Variants in SOCS6 observed in about 807,000 individuals in gnomAD.
The protein encoded by SOCS6 is STAT induced STAT inhibitor-4.
In SOCS6, 5 loss-of-function variants were observed where a neutral mutation model predicts 27.7. The observed-to-expected ratio is 0.18, with a 90% CI of 0.09 to 0.38. The LOEUF (loss-of-function observed/expected upper bound fraction) is 0.38. Among genes scored for constraint, SOCS6 ranks in the 10% least tolerant of loss-of-function variants. The pLI is 1.00. For synonymous variants in SOCS6, 271 were observed against 260.0 expected (o/e 1.04, Z -0.41); for missense variants, 595 against 688.1 (o/e 0.86, Z 1.51).
intron 1 of SOCS6, chr18:70,296,664 C>T (rs1297368929): frequency 1.3e-5 from 2 of 152,200 alleles, no homozygotes; most frequent in African/African-American, 4.8e-5. Flanking sequence ...AGTCACATGC[C>T]GCCAGTTTCC....
rs1911314854 is a variant in SOCS6 at position 70,328,989 on chromosome 18, A to T, written c.*2713A>T. On this transcript the variant is annotated 3_prime_UTR_variant, in exon 2 of 2. Transcript: ENST00000397942. ...TCTAAAAATCTGAGCTCAAAGCAAG[A>T]AAAAGAAAACAGGAAAGCTGTATCC... 6.0e-6 allele frequency: 1 copy of T among 167,090 alleles called. No homozygotes were observed. Among genetic ancestry groups the T allele is most frequent in the South Asian group, 2.1e-4 (1 of 4,832 alleles). 10.4% of individuals were successfully genotyped at this position (167,090 alleles called of 1,614,324 possible).
chr18:70,307,550 T>C (rs2062374507), intron 1 of SOCS6, among the ~76,000 whole-genome samples: 1 of 152,250 alleles, frequency 6.6e-6, no homozygotes, highest in African/African-American at 2.4e-5. Flanking sequence ...AGATTCTCTG[T>C]TTCCTTTTGA....
intron 1 of SOCS6, among the ~76,000 whole-genome samples, chr18:70,307,918 T>C (rs768688979): frequency 3.3e-5 from 5 of 152,194 alleles, no homozygotes; most frequent in African/African-American, 4.8e-5. Flanking sequence ...TTCTTAAGGG[T>C]GAAAGCTTAG....
chr18:70,312,385 G>A (rs967474814), intron 1 of SOCS6, among the ~76,000 whole-genome samples: 7 of 151,970 alleles, frequency 4.6e-5, no homozygotes, highest in African/African-American at 1.7e-4. Flanking sequence ...TTTTTGGCAT[G>A]AGTATATATC....
intron 1 of SOCS6, among the ~76,000 whole-genome samples, chr18:70,297,869 A>T (rs867073542): frequency 2.0e-5 from 3 of 152,156 alleles, no homozygotes; most frequent in South Asian, 2.1e-4. Context: ...TCCATTCTTC[A>T]TTTGGATGTA....
intron 1 of SOCS6, among the ~76,000 whole-genome samples, chr18:70,299,777 T>C (rs1600151250): frequency 4.6e-5 from 7 of 152,258 alleles, no homozygotes; most frequent in Admixed American, 4.6e-4. Context: ...AGATGAAATA[T>C]GTCTTATATC....
At chr18:70,305,892 TGG>T (rs1306562554) in intron 1 of SOCS6, among the ~76,000 whole-genome samples, 1 of 151,990 alleles carries the variant, frequency 6.6e-6, no homozygotes, top group African/African-American at 2.4e-5. Context: ...GGTGGGTGTG[TGG>T]GGGTGTGTGT....
intron 1 of SOCS6, among the ~76,000 whole-genome samples, chr18:70,318,581 A>G (rs1910854407): frequency 6.6e-6 from 1 of 151,950 alleles, no homozygotes; most frequent in Non-Finnish European, 1.5e-5. Flanking sequence ...AGATAATTTT[A>G]GTGTGTCCTT....
rs143028772 is a variant in SOCS6, at chr18:70,326,558, G to GC, written c.*290dup. 0.015 allele frequency: 5,389 copies of GC among 359,164 alleles called. 189 individuals carry two copies. The highest frequency in any genetic ancestry group is 0.088 in the African/African-American group (4,137 of 47,034). The allele number at this position is 359,164 out of a possible 1,614,324, so 22.2% of individuals were successfully genotyped here. On this transcript the variant is annotated 3_prime_UTR_variant, in exon 2 of 2. Coordinates refer to ENST00000397942, the MANE Select transcript of SOCS6 (RefSeq NM_004232.4). ...TGTGAATTATCAAATTCTCCTCAATGCCCCCCCCGCCCAGTCCTTTGCTGC... is the reference window on the plus strand; with the variant it reads ...TGTGAATTATCAAATTCTCCTCAATGCCCCCCCCCGCCCAGTCCTTTGCTGC...
At chr18:70,289,670 G>T (rs1158898849) in intron 1 of SOCS6, among the ~76,000 whole-genome samples, 1 of 150,420 alleles carries the variant, frequency 6.6e-6, no homozygotes, top group African/African-American at 2.4e-5. Context: ...GCTGGGACTC[G>T]GGGACGCCCC....
rs1198713580 is a variant in SOCS6 at position 70,325,751 on chromosome 18, G to A, written c.1083G>A (p.Val361=). Residue 361 remains valine, a synonymous_variant, in exon 2 of 2, where the codon GTG becomes GTA. Coordinates refer to ENST00000397942, the MANE Select transcript of SOCS6 (RefSeq NM_004232.4). The surrounding 1 kb of genome is among the most constrained non-coding windows in gnomAD (Gnocchi z 6.3). ...APGVARVYDS[V]QSSGPMVVTS... ...GGGTTGCAAGAGTTTATGACTCAGT[G>A]CAAAGTAGTGGTCCCATGGTTGTGA... 1 of 1,614,234 alleles carries A rather than the reference G, an allele frequency of 6.2e-7. No individual in the cohort carries two copies. The highest frequency in any genetic ancestry group is 1.7e-5 in the Admixed American group (1 of 60,034).
chr18:70,292,981 G>C lies in SOCS6; in HGVS notation c.-127+3891G>C, dbSNP rs572993248. On this transcript the variant is annotated intron_variant, in intron 1 of 1. Coordinates refer to ENST00000397942, the MANE Select transcript of SOCS6 (RefSeq NM_004232.4). ...TAATCCCAAGTAATTGACTTGTGTGGTTCCTTCATAACCTCTATTATTGTC... is the reference window on the plus strand; with the variant it reads ...TAATCCCAAGTAATTGACTTGTGTGCTTCCTTCATAACCTCTATTATTGTC... Among the ~76,000 whole-genome samples the C allele has an allele frequency of 3.9e-5, 6 of 152,170 alleles. No individual in the cohort carries two copies. In the South Asian group the frequency reaches 1.2e-3, roughly 32 times the overall value.
At chr18:70,300,745 T>A (rs1320488358) in intron 1 of SOCS6, among the ~76,000 whole-genome samples, 1 of 152,218 alleles carries the variant, frequency 6.6e-6, no homozygotes, top group African/African-American at 2.4e-5. Flanking sequence ...TTTGTGTCAA[T>A]AGCCTATAAA....
intron 1 of SOCS6, among the ~76,000 whole-genome samples, chr18:70,292,630 G>A (rs905741272): frequency 6.6e-6 from 1 of 152,146 alleles, no homozygotes; most frequent in African/African-American, 2.4e-5. Flanking sequence ...TTGCAGGCAC[G>A]AGCCACTGTG....
At chr18:70,322,797 G>T (rs1297228594) in intron 1 of SOCS6, among the ~76,000 whole-genome samples, 1 of 152,176 alleles carries the variant, frequency 6.6e-6, no homozygotes, top group Admixed American at 6.5e-5. Context: ...CTGATCCCCT[G>T]ATAGGTTGTC....
chr18:70,316,645 C>G (rs761859990), intron 1 of SOCS6, among the ~76,000 whole-genome samples: 5 of 152,048 alleles, frequency 3.3e-5, no homozygotes, highest in Non-Finnish European at 7.4e-5. Context: ...ACCATTGTTA[C>G]TCTAGCTTCC....
chr18:70,297,004 T>A (rs537708987), intron 1 of SOCS6, among the ~76,000 whole-genome samples: 5,194 of 104,310 alleles, frequency 0.05, 328 homozygotes, highest in African/African-American at 0.17. Flanking sequence ...TTTTCTTGTC[T>A]GTTGTTGTTG....
rs535061872 is a variant in SOCS6, at chr18:70,328,958, C to G, written c.*2682C>G. 6 of 166,956 alleles carry G rather than the reference C, an allele frequency of 3.6e-5. No homozygotes were observed. The highest frequency in any genetic ancestry group is 8.8e-5 in the Non-Finnish European group (6 of 68,094). The allele number at this position is 166,956 out of a possible 1,614,324, so 10.3% of individuals were successfully genotyped here. On this transcript the variant is annotated 3_prime_UTR_variant, in exon 2 of 2. Coordinates refer to ENST00000397942, the MANE Select transcript of SOCS6 (RefSeq NM_004232.4). ...ACAGCCTATGAGTGCTTTTTAAATA[C>G]GTGCTTCTAAAAATCTGAGCTCAAA...
chr18:70,311,054 TAGC>T (rs1389889415), intron 1 of SOCS6, among the ~76,000 whole-genome samples: 23 of 152,202 alleles, frequency 1.5e-4, no homozygotes, highest in Non-Finnish European at 1.8e-4. Context: ...GCAGCAGAAG[TAGC>T]AGCCTTAATG....
Sources: allele counts gnomAD v4.1 joint callset (sites outside exome capture counted in the v4.1 genomes callset), GRCh38; gene constraint gnomAD v4.1.1; non-coding constraint Gnocchi (gnomAD v3.1); transcripts MANE v1.5; gene names NCBI Gene and HGNC (gene_info 2026-07-23, HGNC 2026-07-21).